TTC39C: variants seen among roughly 807,000 people sequenced by gnomAD.
The protein encoded by TTC39C is tetratricopeptide repeat protein 39C.
TTC39C carries 33 observed loss-of-function variants against 76.3 expected under a neutral mutation model. The observed-to-expected ratio is 0.43, with a 90% CI of 0.33 to 0.58. The LOEUF is 0.58. Among genes scored for constraint, TTC39C ranks in the 20% least tolerant of loss-of-function variants. The pLI is 0.04. For synonymous variants in TTC39C, 254 were observed against 260.6 expected (o/e 0.97, Z 0.24); for missense variants, 595 against 701.4 (o/e 0.85, Z 1.71).
At chr18:24,093,004 C>G (rs1337438293) in intron 6 of TTC39C, among the ~76,000 whole-genome samples, 1 of 152,016 alleles carries the variant, frequency 6.6e-6, no homozygotes, top group East Asian at 1.9e-4. Flanking sequence ...GGATGTTGAG[C>G]CTGTAGTGAG....
intron 1 of TTC39C, among the ~76,000 whole-genome samples, chr18:23,999,001 T>A (rs1473140910): frequency 6.6e-6 from 1 of 152,230 alleles, no homozygotes; most frequent in Non-Finnish European, 1.5e-5. Context: ...CTGTCCTGAA[T>A]CATCTTGGAT....
intron 1 of TTC39C, among the ~76,000 whole-genome samples, chr18:24,016,147 C>G (rs1192160187): frequency 6.6e-6 from 1 of 152,226 alleles, no homozygotes; most frequent in African/African-American, 2.4e-5. Context: ...AATGGCGAAG[C>G]AAGTATCTCA....
intron 6 of TTC39C, among the ~76,000 whole-genome samples, chr18:24,093,441 T>C (rs563926999): frequency 9.4e-5 from 14 of 149,224 alleles, no homozygotes; most frequent in Middle Eastern, 3.4e-3. Context: ...ATCGTGCCAC[T>C]GCACTCCAGC....
intron 4 of TTC39C, among the ~76,000 whole-genome samples, chr18:24,077,747 T>C (rs12172863): frequency 0.067 from 10,142 of 152,298 alleles, 428 homozygotes; most frequent in East Asian, 0.21. Context: ...CAATTGCCTC[T>C]GTGCTCTCAA....
intron 4 of TTC39C, among the ~76,000 whole-genome samples, chr18:24,079,406 T>C (rs2084348356): frequency 6.6e-6 from 1 of 152,192 alleles, no homozygotes; most frequent in African/African-American, 2.4e-5. Context: ...TTACCTCTTA[T>C]ACTTCAAGTC....
intron 1 of TTC39C, among the ~76,000 whole-genome samples, chr18:24,033,319 T>C (rs911926993): frequency 3.3e-5 from 5 of 152,234 alleles, no homozygotes; most frequent in East Asian, 1.9e-4. Context: ...AGCCTTGTCT[T>C]CCATTGCTGT....
intron 6 of TTC39C, among the ~76,000 whole-genome samples, chr18:24,105,052 T>A (rs2084729599): frequency 6.6e-6 from 1 of 150,606 alleles, no homozygotes; most frequent in Non-Finnish European, 1.5e-5. Flanking sequence ...ATAAGCAAAG[T>A]TCAAAAAAAG....
intron 6 of TTC39C, among the ~76,000 whole-genome samples, chr18:24,090,797 CTTTTTT>C (rs1218689781): frequency 3.4e-4 from 27 of 79,532 alleles, no homozygotes; most frequent in African/African-American, 9.0e-4. Context: ...GATTAATTTA[CTTTTTT>C]TTTTTTTTTT....
chr18:24,002,089 T>C lies in TTC39C; in HGVS notation c.-17+9051T>C, dbSNP rs76921238. ...ACATAAGTTGTTTGCGCACATGTCTTTTTTTGGACAACTTCTCACCCATTG... is the reference window on the plus strand; with the variant it reads ...ACATAAGTTGTTTGCGCACATGTCTCTTTTTGGACAACTTCTCACCCATTG... On this transcript the variant is annotated intron_variant, in intron 1 of 13. Coordinates refer to the TTC39C transcript ENST00000304621. Among the ~76,000 whole-genome samples, 1,273 of 152,278 alleles carry C rather than the reference T, an allele frequency of 8.4e-3. 10 individuals are homozygous for C. Among genetic ancestry groups the C allele is most frequent in the African/African-American group, 0.029 (1,225 of 41,560 alleles).
At chr18:24,003,950 A>G (rs111918538) in intron 1 of TTC39C, among the ~76,000 whole-genome samples, 3 of 152,090 alleles carry the variant, frequency 2.0e-5, no homozygotes, top group African/African-American at 2.4e-5. Flanking sequence ...GGATCTCACT[A>G]TGTTGCCCAG....
intron 8 of TTC39C, among the ~76,000 whole-genome samples, chr18:24,119,167 C>T (rs1173090299): frequency 1.3e-5 from 2 of 152,158 alleles, no homozygotes; most frequent in Non-Finnish European, 2.9e-5. Context: ...TAGAGATGTG[C>T]TGCCACCTGG....
intron 1 of TTC39C, chr18:24,019,816 A>G: frequency 1.4e-6 from 2 of 1,472,984 alleles, no homozygotes; most frequent in South Asian, 1.2e-5. Flanking sequence ...CAGAGACCAT[A>G]TGGCATGCAA....
intron 13 of TTC39C, among the ~76,000 whole-genome samples, chr18:24,132,122 T>A (rs2085138822): frequency 6.6e-6 from 1 of 152,246 alleles, no homozygotes; most frequent in Non-Finnish European, 1.5e-5. Context: ...ATGAAATTGT[T>A]CATCCTGCTT....
intron 6 of TTC39C, among the ~76,000 whole-genome samples, chr18:24,092,092 C>CAAAA (rs74171390): frequency 1.5e-5 from 1 of 67,594 alleles, no homozygotes; most frequent in African/African-American, 5.9e-5. Context: ...GACTCAGTCT[C>CAAAA]AAAAAAAAAA....
chr18:24,122,518 A>AAAAAAAG (rs1381890808), intron 8 of TTC39C, among the ~76,000 whole-genome samples: 4 of 151,092 alleles, frequency 2.6e-5, no homozygotes, highest in Admixed American at 2.0e-4. Context: ...AAAAAAAAAA[A>AAAAAAAG]AAGAAGAGGG....
chr18:24,099,173 A>G (rs928973418), intron 6 of TTC39C: 1 of 151,288 alleles, frequency 6.6e-6, no homozygotes, highest in African/African-American at 2.4e-5. Flanking sequence ...GGCTGCTATA[A>G]AAGAATACTA....
At chr18:24,120,351 A>G (rs1005900974) in intron 8 of TTC39C, among the ~76,000 whole-genome samples, 2 of 152,156 alleles carry the variant, frequency 1.3e-5, no homozygotes, top group Admixed American at 6.5e-5. Context: ...TCTGTCTCAA[A>G]AACAAAAGAG....
At chr18:24,070,071 C>A (rs1361077877) in intron 4 of TTC39C, among the ~76,000 whole-genome samples, 2 of 152,182 alleles carry the variant, frequency 1.3e-5, no homozygotes, top group East Asian at 3.8e-4. Flanking sequence ...ATAACATACT[C>A]TTTTCTTTCT....
At chr18:24,043,075 A>T (rs984571874) in intron 1 of TTC39C, among the ~76,000 whole-genome samples, 1 of 152,274 alleles carries the variant, frequency 6.6e-6, no homozygotes, top group African/African-American at 2.4e-5. Flanking sequence ...CTAGGATTAT[A>T]TAATATACAT....
Sources: allele counts gnomAD v4.1 joint callset (sites outside exome capture counted in the v4.1 genomes callset), GRCh38; gene constraint gnomAD v4.1.1; transcripts MANE v1.5; gene names NCBI Gene and HGNC (gene_info 2026-07-23, HGNC 2026-07-21).